FAM98B: variants seen among roughly 807,000 people sequenced by gnomAD.
FAM98B encodes the protein tRNA-splicing ligase complex subunit FAM98B.
In FAM98B, 32 loss-of-function variants were observed where a neutral mutation model predicts 43.9. That is an observed-to-expected ratio of 0.73 (90% CI 0.55 to 0.98). The LOEUF (loss-of-function observed/expected upper bound fraction) is 0.98. Among genes scored for constraint, FAM98B ranks in the 50% least tolerant of loss-of-function variants. FAM98B has a pLI of 0.00. For synonymous variants in FAM98B, 190 were observed against 174.0 expected (o/e 1.09, Z -0.72); for missense variants, 514 against 522.9 (o/e 0.98, Z 0.17).
intron 1 of FAM98B, among the ~76,000 whole-genome samples, chr15:38,457,164 T>G (rs1205229124): frequency 6.6e-6 from 1 of 152,184 alleles, no homozygotes; most frequent in African/African-American, 2.4e-5. Flanking sequence ...ATATTAAAAT[T>G]CAAGGATTCA....
At chr15:38,457,887 C>G (rs1302461541) in intron 1 of FAM98B, among the ~76,000 whole-genome samples, 1 of 150,992 alleles carries the variant, frequency 6.6e-6, no homozygotes, top group East Asian at 1.9e-4. Context: ...AAAACTCCTA[C>G]TATCTGACCT....
chr15:38,476,048 G>A (rs1348865128), intron 6 of FAM98B, among the ~76,000 whole-genome samples: 1 of 151,990 alleles, frequency 6.6e-6, no homozygotes, highest in Non-Finnish European at 1.5e-5. Flanking sequence ...CCCTTGTTCT[G>A]CTGTAGGAAA....
intron 6 of FAM98B, among the ~76,000 whole-genome samples, chr15:38,477,334 A>G (rs1481541919): frequency 6.6e-6 from 1 of 151,760 alleles, no homozygotes; most frequent in Non-Finnish European, 1.5e-5. Flanking sequence ...TTCTTTGTCC[A>G]GGAAAGGAGT....
At chr15:38,456,478 T>C (rs187247701) in intron 1 of FAM98B, among the ~76,000 whole-genome samples, 1 of 152,350 alleles carries the variant, frequency 6.6e-6, no homozygotes, top group Admixed American at 6.5e-5. Context: ...TTGAACACAC[T>C]GTATATTGGA....
At chr15:38,465,506 G>C (rs1047980126) in intron 3 of FAM98B, 103 bp downstream of exon 3, 3 of 1,079,084 alleles carry the variant, frequency 2.8e-6, no homozygotes, top group Non-Finnish European at 3.8e-6. Context: ...ATATTAAAAG[G>C]GTTTTAATAT....
intron 4 of FAM98B, among the ~76,000 whole-genome samples, chr15:38,472,319 T>A (rs1344779057): frequency 6.6e-6 from 1 of 152,086 alleles, no homozygotes; most frequent in Non-Finnish European, 1.5e-5. Flanking sequence ...AGTTGGAGAA[T>A]CTACAGAAAT....
At chr15:38,474,428 A>C in intron 6 of FAM98B, 130 bp downstream of exon 6, 2 of 577,408 alleles carry the variant, frequency 3.5e-6, no homozygotes, top group Non-Finnish European at 6.2e-6. Flanking sequence ...CAGGCCAACT[A>C]CTGGTCTTAC....
intron 6 of FAM98B, 109 bp from the exon 7 acceptor site, chr15:38,481,183 C>T: frequency 2.2e-6 from 2 of 892,074 alleles, no homozygotes; most frequent in Non-Finnish European, 3.4e-6. Context: ...TTTTCTAACT[C>T]CTTGCTTATG....
At chr15:38,475,382 G>A (rs779910275) in intron 6 of FAM98B, among the ~76,000 whole-genome samples, 5 of 152,150 alleles carry the variant, frequency 3.3e-5, no homozygotes, top group Non-Finnish European at 7.4e-5. Flanking sequence ...AGTAGCTTAA[G>A]TAATACAGAT....
chr15:38,462,337 T>G (rs908576412), intron 1 of FAM98B, among the ~76,000 whole-genome samples: 1 of 152,150 alleles, frequency 6.6e-6, no homozygotes, highest in African/African-American at 2.4e-5. Flanking sequence ...CAAACTAGAT[T>G]TTTCTGATGC....
At chr15:38,468,843 A>G (rs1890078993) in intron 3 of FAM98B, among the ~76,000 whole-genome samples, 1 of 152,186 alleles carries the variant, frequency 6.6e-6, no homozygotes, top group Non-Finnish European at 1.5e-5. Context: ...AGCTGAAGTT[A>G]AAACTGCTAT....
At chr15:38,469,773 CTT>C (rs926981932) in intron 3 of FAM98B, among the ~76,000 whole-genome samples, 9 of 144,554 alleles carry the variant, frequency 6.2e-5, no homozygotes, top group Non-Finnish European at 7.6e-5. Flanking sequence ...TTGTAGTGCC[CTT>C]TTTTTTTTTG....
At chr15:38,465,053 G>T (rs1890007426) in intron 2 of FAM98B, among the ~76,000 whole-genome samples, 1 of 152,214 alleles carries the variant, frequency 6.6e-6, no homozygotes, top group African/African-American at 2.4e-5. Flanking sequence ...AAATATAGTA[G>T]AAATGGATCA....
intron 1 of FAM98B, among the ~76,000 whole-genome samples, chr15:38,454,938 A>C (rs1393490101): frequency 6.6e-6 from 1 of 152,132 alleles, no homozygotes; most frequent in Non-Finnish European, 1.5e-5. Flanking sequence ...AGGTGGGAGT[A>C]ATGTTAATAC....
chr15:38,469,412 TCCC>T (rs1890089471), intron 3 of FAM98B, among the ~76,000 whole-genome samples: 2 of 152,224 alleles, frequency 1.3e-5, no homozygotes, highest in Non-Finnish European at 2.9e-5. Context: ...CTATATGTTC[TCCC>T]CTGACCTGTG....
intron 6 of FAM98B, among the ~76,000 whole-genome samples, chr15:38,480,659 CCTTA>C (rs1257630591): frequency 2.6e-5 from 4 of 151,984 alleles, no homozygotes; most frequent in Admixed American, 6.5e-5. Flanking sequence ...AGAAATAATG[CCTTA>C]CTAAGTGAAC....
At chr15:38,455,899 T>C (rs1043421460) in intron 1 of FAM98B, among the ~76,000 whole-genome samples, 1 of 152,206 alleles carries the variant, frequency 6.6e-6, no homozygotes, top group Non-Finnish European at 1.5e-5. Context: ...CCAAAATTAG[T>C]TTTTCCTGGA....
In FAM98B at chr15:38,465,385, G is replaced by A; in HGVS notation, c.334G>A (p.Asp112Asn). The A allele has an allele frequency of 6.3e-7, 1 of 1,596,312 alleles. No homozygotes were observed. Among genetic ancestry groups the A allele is most frequent in the East Asian group, 2.3e-5 (1 of 44,382 alleles). Residue 112 changes from aspartate (D) to asparagine (N), a missense_variant, in exon 3 of 8, where the codon GAC becomes AAC. Asp to Asn is a conservative substitution (Grantham distance 23). Coordinates refer to ENST00000397609, the MANE Select transcript of FAM98B (RefSeq NM_173611.4). Reference sequence around the variant, plus strand: ...TAAAGATCGTTTAAAAAAGAAGGAGGACTGTTTGAAACTTCTATGTAAGTT... The same window carrying A: ...TAAAGATCGTTTAAAAAAGAAGGAGAACTGTTTGAAACTTCTATGTAAGTT... ...DIKDRLKKKE[D>N]CLKLLLFLST...
intron 1 of FAM98B, among the ~76,000 whole-genome samples, chr15:38,462,455 A>G (rs1889964518): frequency 6.6e-6 from 1 of 152,226 alleles, no homozygotes; most frequent in Admixed American, 6.5e-5. Flanking sequence ...GCTGAACAAA[A>G]CAAATGTCTA....
Sources: allele counts gnomAD v4.1 joint callset (sites outside exome capture counted in the v4.1 genomes callset), GRCh38; gene constraint gnomAD v4.1.1; transcripts MANE v1.5; gene names NCBI Gene and HGNC (gene_info 2026-07-23, HGNC 2026-07-21).